The following ACER3 variants were observed in gnomAD, a reference collection of about 807,000 sequenced individuals.
ACER3 encodes the protein alkCDase 3.
ACER3 carries 16 observed loss-of-function variants against 48.9 expected under a neutral mutation model. That is an observed-to-expected ratio of 0.33 (90% CI 0.22 to 0.50). The LOEUF (loss-of-function observed/expected upper bound fraction) is 0.50, where lower values mean the gene tolerates loss of function less well. Ranked by LOEUF, ACER3 falls within the 20% of genes least tolerant of loss-of-function variation. The pLI is 0.98. For missense variants in ACER3, 227 were observed against 326.0 expected, an observed-to-expected ratio of 0.70 and a Z score of 2.34; for synonymous variants, 109 against 107.8, an observed-to-expected ratio of 1.01 and a Z score of -0.07.
intron 2 of ACER3, among the ~76,000 whole-genome samples, chr11:76,928,561 C>G (rs2134824988): frequency 6.6e-6 from 1 of 152,220 alleles, no homozygotes; most frequent in South Asian, 2.1e-4. Flanking sequence ...ATGCTATTGC[C>G]TAGGTTTTCT....
chr11:76,982,169 G>A (rs1948597496), intron 4 of ACER3, among the ~76,000 whole-genome samples: 1 of 146,662 alleles, frequency 6.8e-6, no homozygotes, highest in Admixed American at 6.8e-5. Context: ...TTGTCCATTT[G>A]TATGTGTTAT....
chr11:76,996,422 TATTA>T (rs1948911737), intron 6 of ACER3, among the ~76,000 whole-genome samples: 1 of 140,662 alleles, frequency 7.1e-6, no homozygotes, highest in African/African-American at 2.5e-5. Flanking sequence ...TTATTATTAT[TATTA>T]TTATTTTTTG....
chr11:76,904,089 T>G (rs1946153806), intron 1 of ACER3, among the ~76,000 whole-genome samples: 1 of 152,104 alleles, frequency 6.6e-6, no homozygotes, highest in Non-Finnish European at 1.5e-5. Context: ...TGGGTTCAAG[T>G]GATTCTCGTG....
At chr11:76,894,228 G>A (rs781121265) in intron 1 of ACER3, among the ~76,000 whole-genome samples, 1 of 152,186 alleles carries the variant, frequency 6.6e-6, no homozygotes, top group African/African-American at 2.4e-5. Context: ...GTAGTGAGCC[G>A]TGGTTATGCC....
chr11:76,976,611 G>A lies in ACER3; in HGVS notation c.320+270G>A, dbSNP rs1044655944. Among the ~76,000 whole-genome samples the A allele has an allele frequency of 5.3e-5, 8 of 152,058 alleles. No homozygotes were observed. The East Asian group carries it at 5.8e-4, about 11-fold the overall frequency. On this transcript the variant is annotated intron_variant, in intron 4 of 10. Coordinates refer to ENST00000532485, the MANE Select transcript of ACER3 (RefSeq NM_018367.7). Reference sequence around the variant, plus strand: ...TTTTCCTTTCCCAAGTGAATAATGTGTACAAATTTAGATAAAGATTTTCAT... The same window carrying A: ...TTTTCCTTTCCCAAGTGAATAATGTATACAAATTTAGATAAAGATTTTCAT...
intron 4 of ACER3, among the ~76,000 whole-genome samples, chr11:76,984,841 T>C (rs992953995): frequency 6.6e-6 from 1 of 152,152 alleles, no homozygotes; most frequent in African/African-American, 2.4e-5. Flanking sequence ...ACTGTAAGGA[T>C]ATGAGGAAAT....
At chr11:76,963,805 A>T (rs751313801) in intron 3 of ACER3, among the ~76,000 whole-genome samples, 1 of 151,470 alleles carries the variant, frequency 6.6e-6, no homozygotes, top group South Asian at 2.1e-4. Flanking sequence ...AAGCCACATT[A>T]TGCTGCGTTA....
intron 10 of ACER3, 63 bp downstream of exon 10, chr11:77,019,839 A>C: frequency 6.5e-7 from 1 of 1,537,916 alleles, no homozygotes. Flanking sequence ...TATAGGATGG[A>C]GGTGGAAGAA....
chr11:76,880,546 T>G (rs1945496927), intron 1 of ACER3, among the ~76,000 whole-genome samples: 1 of 152,182 alleles, frequency 6.6e-6, no homozygotes. Context: ...CCATGTTGTT[T>G]TACTTGTGTT....
At position 76,950,382 on chromosome 11, in the gene ACER3, TATATATATATATATATATATATATATATA is replaced by T. The variant is rs1256862764; in HGVS notation, c.215-8594_215-8566del. Among the ~76,000 whole-genome samples the T allele has an allele frequency of 7.9e-3, 226 of 28,680 alleles. 17 individuals are homozygous for T. Among genetic ancestry groups the T allele is most frequent in the Non-Finnish European group, 0.015 (182 of 12,270 alleles). 18.8% of individuals were successfully genotyped at this position (28,680 alleles called of 152,430 possible). Reference sequence around the variant, plus strand: ...ATATATATATATATATATATATATATATATATATATATATATATATATATATATAATTTACACATGTAAGTGTGTGTATG... The same window carrying T: ...ATATATATATATATATATATATATATATTTACACATGTAAGTGTGTGTATG... On this transcript the variant is annotated intron_variant, in intron 2 of 10. Transcript: ENST00000532485.
intron 2 of ACER3, among the ~76,000 whole-genome samples, chr11:76,945,158 C>T (rs10793214): frequency 0.68 from 103,065 of 151,748 alleles, 35,400 homozygotes; most frequent in Non-Finnish European, 0.74. Flanking sequence ...CAGATTTCTC[C>T]TGTATCTCAT....
chr11:76,918,419 A>T (rs1590930065), intron 1 of ACER3, among the ~76,000 whole-genome samples: 1 of 152,112 alleles, frequency 6.6e-6, no homozygotes, highest in African/African-American at 2.4e-5. Context: ...GGCCTGGATT[A>T]GAAGACAAAC....
intron 4 of ACER3, among the ~76,000 whole-genome samples, chr11:76,978,094 G>A (rs1398521279): frequency 4.6e-5 from 7 of 152,154 alleles, no homozygotes. Context: ...GGGCCTGCAG[G>A]CACCCCTCGG....
chr11:76,975,999 C>T (rs941119520), intron 3 of ACER3, among the ~76,000 whole-genome samples: 1 of 150,738 alleles, frequency 6.6e-6, no homozygotes. Flanking sequence ...TTTGCTTCAG[C>T]CTCCCAAATA....
rs764793087 is a variant in ACER3 at position 76,973,976 on chromosome 11, A to G, written c.268-2313A>G. ...ATTGTCCCAAAACCATTTGTTGAAA[A>G]GACTGTTCTTTCCTTATTGAGTTGT... On this transcript the variant is annotated intron_variant, in intron 3 of 10. Transcript: ENST00000532485. Among the ~76,000 whole-genome samples the G allele has an allele frequency of 1.6e-4, 24 of 152,324 alleles. 2 individuals carry two copies. The highest frequency in any genetic ancestry group is 1.3e-3 in the Admixed American group (20 of 15,304).
chr11:76,873,158 G>A (rs925757353), intron 1 of ACER3, among the ~76,000 whole-genome samples: 3 of 151,838 alleles, frequency 2.0e-5, no homozygotes, highest in South Asian at 2.1e-4. Flanking sequence ...GGCCTCAAGC[G>A]ATCCTCCCAA....
chr11:77,010,303 G>A (rs1277264192), intron 7 of ACER3, among the ~76,000 whole-genome samples: 1 of 150,768 alleles, frequency 6.6e-6, no homozygotes, highest in Non-Finnish European at 1.5e-5. Context: ...AGCTATGATC[G>A]CACCACTGCA....
chr11:76,892,324 T>C (rs571767627), intron 1 of ACER3, among the ~76,000 whole-genome samples: 16 of 152,210 alleles, frequency 1.1e-4, no homozygotes, highest in Non-Finnish European at 2.2e-4. Context: ...CTGTGTTTTT[T>C]CCACTTTCAT....
intron 1 of ACER3, among the ~76,000 whole-genome samples, chr11:76,920,762 G>A (rs1343014832): frequency 6.6e-6 from 1 of 151,552 alleles, no homozygotes; most frequent in East Asian, 1.9e-4. Flanking sequence ...TCAGCCTTCT[G>A]AGCAGCTAAG....
Sources: allele counts gnomAD v4.1 joint callset (sites outside exome capture counted in the v4.1 genomes callset), GRCh38; gene constraint gnomAD v4.1.1; transcripts MANE v1.5; gene names NCBI Gene and HGNC (gene_info 2026-07-23, HGNC 2026-07-21).